TECRL: variants seen among roughly 807,000 people sequenced by gnomAD.
The protein encoded by TECRL is trans-2,3-enoyl-CoA reductase like.
In TECRL, 63 loss-of-function variants were observed where a neutral mutation model predicts 52.8. The ratio of observed to expected loss-of-function variants is 1.19; its 90% CI spans 0.97 to 1.47. TECRL has a LOEUF of 1.47. TECRL is among the 40% of genes most tolerant of loss of function. The pLI is 0.00. For synonymous variants in TECRL, 164 were observed against 141.9 expected, an observed-to-expected ratio of 1.16 and a Z score of -1.10; for missense variants, 482 against 429.6, an observed-to-expected ratio of 1.12 and a Z score of -1.08.
At position 64,318,390 on chromosome 4, in the gene TECRL, T is replaced by A. The variant is rs536796514; in HGVS notation, c.436-3627A>T. Among the ~76,000 whole-genome samples the A allele has an allele frequency of 4.3e-4, 66 of 152,066 alleles. 1 individual carries two copies. The South Asian group carries it at 7.7e-3, about 18-fold the overall frequency. On this transcript the variant is annotated intron_variant, in intron 4 of 11. Transcript: ENST00000381210. ...TGTAATGTAAAATTTAAAAGAAGAA[T>A]TTAAAGAGAATAATGGACAAGAAAT...
intron 2 of TECRL, among the ~76,000 whole-genome samples, chr4:64,371,969 C>G (rs1245081104): frequency 6.6e-6 from 1 of 151,732 alleles, no homozygotes; most frequent in Non-Finnish European, 1.5e-5. Context: ...AATAGAGACA[C>G]ACAGTAGTTT....
At chr4:64,348,333 A>C (rs1254850195) in intron 2 of TECRL, among the ~76,000 whole-genome samples, 1 of 152,188 alleles carries the variant, frequency 6.6e-6, no homozygotes, top group Non-Finnish European at 1.5e-5. Context: ...ACTCACTATC[A>C]GGAGAACAGC....
intron 2 of TECRL, among the ~76,000 whole-genome samples, chr4:64,351,866 G>A (rs1720416747): frequency 6.6e-6 from 1 of 152,130 alleles, no homozygotes; most frequent in African/African-American, 2.4e-5. Flanking sequence ...ATTCAGTATA[G>A]AGCAAAATAT....
At chr4:64,408,230 G>C (rs901267173) in intron 1 of TECRL, among the ~76,000 whole-genome samples, 1 of 151,732 alleles carries the variant, frequency 6.6e-6, no homozygotes, top group Non-Finnish European at 1.5e-5. Context: ...GACCTAGCTA[G>C]AACATGGAAA....
At chr4:64,311,639 C>G (rs1391294869) in intron 5 of TECRL, among the ~76,000 whole-genome samples, 1 of 152,114 alleles carries the variant, frequency 6.6e-6, no homozygotes, top group Non-Finnish European at 1.5e-5. Context: ...AGCATAGAAA[C>G]CTCCATAGAA....
chr4:64,343,367 T>A (rs1041181398), intron 2 of TECRL, among the ~76,000 whole-genome samples: 1 of 152,144 alleles, frequency 6.6e-6, no homozygotes, highest in African/African-American at 2.4e-5. Flanking sequence ...TTCCACATCA[T>A]ACTGATACCA....
rs1489343078 is a variant in TECRL, at chr4:64,345,919, A to AAAAAAAAAC, written c.287-17364_287-17363insGTTTTTTTT. Among the ~76,000 whole-genome samples the AAAAAAAAAC allele has an allele frequency of 9.0e-5, 13 of 144,346 alleles. 1 individual carries two copies. Among genetic ancestry groups the AAAAAAAAAC allele is most frequent in the Non-Finnish European group, 1.7e-4 (11 of 66,264 alleles). 94.7% of individuals were successfully genotyped at this position (144,346 alleles called of 152,430 possible). A position where few individuals can be genotyped will look rare whatever the true frequency, so the allele number is the denominator to read the frequency against. On this transcript the variant is annotated intron_variant, in intron 2 of 11. Transcript: ENST00000381210. Reference sequence around the variant, plus strand: ...GGTGCCTCAACAGCAAAAAAAAAAAAAAAAAAAAAAAACATTTATCATATC... The same window carrying AAAAAAAAAC: ...GGTGCCTCAACAGCAAAAAAAAAAAAAAAAAAAACAAAAAAAAAAAACATTTATCATATC...
rs1298477617 is a variant in TECRL, at chr4:64,289,703, A to G, written c.832+7T>C. ...TCTAAAGAAAAGAAAAAGAAAAAAGAACTAACCTGTGTGATTGGGATGAGA... is the reference window on the plus strand; with the variant it reads ...TCTAAAGAAAAGAAAAAGAAAAAAGGACTAACCTGTGTGATTGGGATGAGA... On this transcript the variant is annotated splice_region_variant and intron_variant, in intron 9 of 11. Coordinates refer to ENST00000381210, the MANE Select transcript of TECRL (RefSeq NM_001010874.5). The G allele has an allele frequency of 7.2e-6, 11 of 1,524,660 alleles. No homozygotes were observed. The highest frequency in any genetic ancestry group is 1.5e-5 in the African/African-American group (1 of 68,954). The allele number at this position is 1,524,660 out of a possible 1,614,324, so 94.4% of individuals were successfully genotyped here.
chr4:64,391,482 G>A (rs769017799), intron 1 of TECRL, among the ~76,000 whole-genome samples: 1 of 151,822 alleles, frequency 6.6e-6, no homozygotes, highest in East Asian at 1.9e-4. Context: ...GCAAAAAACT[G>A]TGTCTACCCC....
chr4:64,296,459 GAC>G (rs1183849192), intron 8 of TECRL, among the ~76,000 whole-genome samples: 1 of 151,750 alleles, frequency 6.6e-6, no homozygotes, highest in Non-Finnish European at 1.5e-5. Flanking sequence ...CAACACTGAA[GAC>G]ACAGAGGCAA....
At chr4:64,360,896 C>A (rs1721143039) in intron 2 of TECRL, among the ~76,000 whole-genome samples, 2 of 152,262 alleles carry the variant, frequency 1.3e-5, no homozygotes, top group South Asian at 4.1e-4. Context: ...AGAACTCCAG[C>A]CTGCATAGGG....
chr4:64,340,531 A>G (rs1368991572), intron 2 of TECRL, among the ~76,000 whole-genome samples: 1 of 152,206 alleles, frequency 6.6e-6, no homozygotes, highest in Non-Finnish European at 1.5e-5. Context: ...GTGCTGACAC[A>G]CCAGCCCCCT....
rs538910078 is a variant in TECRL at position 64,393,105 on chromosome 4, A to G, written c.234+16013T>C. 7.4e-4 allele frequency among the ~76,000 whole-genome samples: 113 copies of G among 152,132 alleles called. 1 individual carries two copies. Among genetic ancestry groups the G allele is most frequent in the African/African-American group, 2.6e-3 (110 of 41,554 alleles). ...ATAATAGTGATTGGTTGATGATGCT[A>G]CATTTCTACCAATAGTTCAGTCTGT... On this transcript the variant is annotated intron_variant, in intron 1 of 11. Transcript: ENST00000381210.
chr4:64,319,421 G>A (rs2110022998), intron 4 of TECRL, among the ~76,000 whole-genome samples: 1 of 151,840 alleles, frequency 6.6e-6, no homozygotes, highest in African/African-American at 2.4e-5. Context: ...GAAAGTAAAA[G>A]CATAATCTTT....
At chr4:64,337,270 C>T (rs893098622) in intron 2 of TECRL, among the ~76,000 whole-genome samples, 50 of 152,200 alleles carry the variant, frequency 3.3e-4, no homozygotes, top group African/African-American at 5.8e-4. Context: ...ATTGATGGGA[C>T]GTATCTCAAA....
chr4:64,300,159 G>A (rs923498434), intron 7 of TECRL, 142 bp from the exon 8 acceptor site: 7 of 487,286 alleles, frequency 1.4e-5, no homozygotes, highest in African/African-American at 1.4e-4. Context: ...CTTTTGGGAT[G>A]ATACTTTTGC....
chr4:64,399,690 T>A (rs1724216279), intron 1 of TECRL, among the ~76,000 whole-genome samples: 1 of 152,150 alleles, frequency 6.6e-6, no homozygotes, highest in Non-Finnish European at 1.5e-5. Context: ...ATGTACAGCT[T>A]GGGATGCTGC....
intron 2 of TECRL, among the ~76,000 whole-genome samples, chr4:64,328,967 T>G (rs1275719657): frequency 6.6e-6 from 1 of 151,982 alleles, no homozygotes; most frequent in Non-Finnish European, 1.5e-5. Context: ...CACCTGAAAT[T>G]GGGTTATTTT....
intron 2 of TECRL, among the ~76,000 whole-genome samples, chr4:64,363,191 A>C (rs1721323933): frequency 6.6e-6 from 1 of 152,148 alleles, no homozygotes; most frequent in Non-Finnish European, 1.5e-5. Flanking sequence ...TAATAAAACA[A>C]GTTCTTAGAG....
Sources: allele counts gnomAD v4.1 joint callset (sites outside exome capture counted in the v4.1 genomes callset), GRCh38; gene constraint gnomAD v4.1.1; transcripts MANE v1.5; gene names NCBI Gene and HGNC (gene_info 2026-07-23, HGNC 2026-07-21).